The following CENPW variants were observed in gnomAD, a reference collection of about 807,000 sequenced individuals.
CENPW encodes the protein centromere protein W.
CENPW carries 3 observed loss-of-function variants against 11.1 expected under a neutral mutation model. The ratio of observed to expected loss-of-function variants is 0.27; its 90% CI spans 0.12 to 0.70. The LOEUF (loss-of-function observed/expected upper bound fraction) is 0.70. CENPW is among the 30% of genes least tolerant of loss of function. The pLI is 0.77. For missense variants in CENPW, 100 were observed against 105.6 expected, an observed-to-expected ratio of 0.95 and a Z score of 0.23; for synonymous variants, 38 against 42.0, an observed-to-expected ratio of 0.91 and a Z score of 0.37.
chr6:126,422,792 T>C, the CENPW span, among the ~76,000 whole-genome samples: 3 of 152,112 alleles, frequency 2.0e-5, no homozygotes, highest in African/African-American at 7.2e-5. Flanking sequence ...AAACGTGCCT[T>C]TAACTGCTTT....
chr6:126,457,302 GAATTGACCTT>G, the CENPW span, among the ~76,000 whole-genome samples: 2 of 151,390 alleles, frequency 1.3e-5, no homozygotes, highest in Non-Finnish European at 3.0e-5. Flanking sequence ...CAAAGACATA[GAATTGACCTT>G]AATGCCCACC....
At chr6:126,433,284 T>C in the CENPW span, among the ~76,000 whole-genome samples, 1 of 152,240 alleles carries the variant, frequency 6.6e-6, no homozygotes, top group East Asian at 1.9e-4. Context: ...TCCCTCATTT[T>C]ACTATATATT....
At chr6:126,425,126 G>A in the CENPW span, among the ~76,000 whole-genome samples, 84 of 152,156 alleles carry the variant, frequency 5.5e-4, no homozygotes, top group African/African-American at 2.0e-3. Flanking sequence ...CTAGTCAATA[G>A]CAAGTAGGAT....
the CENPW span, among the ~76,000 whole-genome samples, chr6:126,384,730 A>C: frequency 6.6e-6 from 1 of 152,180 alleles, no homozygotes; most frequent in South Asian, 2.1e-4. Flanking sequence ...TTTAATGATG[A>C]AGACAGCAAA....
the CENPW span, among the ~76,000 whole-genome samples, chr6:126,385,719 G>T: frequency 6.6e-6 from 1 of 152,018 alleles, no homozygotes; most frequent in Admixed American, 6.6e-5. Context: ...TTGATAAGGG[G>T]CTCTTCCCCA....
the CENPW span, among the ~76,000 whole-genome samples, chr6:126,429,315 AT>A: frequency 6.6e-6 from 1 of 152,114 alleles, no homozygotes; most frequent in Non-Finnish European, 1.5e-5. Context: ...TAGTTTGGAT[AT>A]TTGTTCCTGC....
chr6:126,437,646 A>G, the CENPW span, among the ~76,000 whole-genome samples: 1 of 151,950 alleles, frequency 6.6e-6, no homozygotes, highest in African/African-American at 2.4e-5. Context: ...TGTTTCCAAG[A>G]ATCAAAAAAT....
chr6:126,470,543 T>C, the CENPW span, among the ~76,000 whole-genome samples: 25 of 152,336 alleles, frequency 1.6e-4, no homozygotes, highest in African/African-American at 5.8e-4. Flanking sequence ...AGAGTTGCCA[T>C]TGGGGCACTG....
chr6:126,390,992 C>G, the CENPW span, among the ~76,000 whole-genome samples: 1 of 151,792 alleles, frequency 6.6e-6, no homozygotes, highest in Non-Finnish European at 1.5e-5. Flanking sequence ...ATATACCTAG[C>G]AGGAGAATTG....
At chr6:126,401,849 C>T in the CENPW span, among the ~76,000 whole-genome samples, 3 of 152,054 alleles carry the variant, frequency 2.0e-5, no homozygotes, top group Admixed American at 6.6e-5. Context: ...GTGGATTCCT[C>T]TTATGTCTGT....
the CENPW span, among the ~76,000 whole-genome samples, chr6:126,435,515 C>T: frequency 6.6e-6 from 1 of 151,694 alleles, no homozygotes; most frequent in Non-Finnish European, 1.5e-5. Context: ...ATTTGGGATG[C>T]TTTAGTACAA....
the CENPW span, among the ~76,000 whole-genome samples, chr6:126,414,965 A>T: frequency 1.4e-4 from 21 of 152,230 alleles, no homozygotes; most frequent in South Asian, 3.9e-3. Flanking sequence ...GCTATGAATA[A>T]CCATACAACA....
the CENPW span, among the ~76,000 whole-genome samples, chr6:126,385,834 A>G: frequency 6.6e-6 from 1 of 152,092 alleles, no homozygotes; most frequent in Non-Finnish European, 1.5e-5. Flanking sequence ...TTGCTGAACT[A>G]TGAGTCAGCT....
the CENPW span, among the ~76,000 whole-genome samples, chr6:126,384,130 A>T: frequency 6.6e-6 from 1 of 152,158 alleles, no homozygotes; most frequent in Non-Finnish European, 1.5e-5. Context: ...TCAAAATTGA[A>T]CAACCTGCTC....
At chr6:126,396,364 C>T in the CENPW span, among the ~76,000 whole-genome samples, 7 of 152,290 alleles carry the variant, frequency 4.6e-5, no homozygotes, top group South Asian at 2.1e-4. Context: ...TGCCTGGCTA[C>T]TGCCAATGTT....
intron 1 of CENPW, among the ~76,000 whole-genome samples, chr6:126,341,128 A>T (rs1355710083): frequency 6.6e-6 from 1 of 152,232 alleles, no homozygotes; most frequent in East Asian, 1.9e-4. Context: ...GCCCCAATCA[A>T]ACCACTGTAT....
At chr6:126,482,118 T>G in the CENPW span, among the ~76,000 whole-genome samples, 48 of 152,182 alleles carry the variant, frequency 3.2e-4, 2 homozygotes, top group South Asian at 9.7e-3. Context: ...TAGAGAATTT[T>G]TATTTCAGAG....
At chr6:126,366,343 CTA>C in the CENPW span, among the ~76,000 whole-genome samples, 1 of 152,052 alleles carries the variant, frequency 6.6e-6, no homozygotes, top group Non-Finnish European at 1.5e-5. Context: ...GTTTTCAAGA[CTA>C]TACAAATTTT....
chr6:126,446,739 A>G, the CENPW span, among the ~76,000 whole-genome samples: 1 of 151,186 alleles, frequency 6.6e-6, no homozygotes, highest in South Asian at 2.1e-4. Context: ...TTTCCATATT[A>G]TTAGATATCA....
Sources: gnomAD v4.1 joint callset for allele counts (sites outside exome capture counted in the v4.1 genomes callset) on GRCh38, gnomAD v4.1.1 for gene constraint, MANE v1.5 for transcripts, NCBI Gene and HGNC (gene_info 2026-07-23, HGNC 2026-07-21) for gene names.